Variants in HOXD11 observed in about 807,000 individuals in gnomAD.
HOXD11 encodes the protein homeobox protein Hox-D11.
In HOXD11, 16 loss-of-function variants were observed where a neutral mutation model predicts 23.1. The ratio of observed to expected loss-of-function variants is 0.69; its 90% CI spans 0.47 to 1.05. The LOEUF is 1.05. HOXD11 is among the 50% of genes least tolerant of loss of function. HOXD11 has a pLI of 0.00. For synonymous variants in HOXD11, 262 were observed against 224.4 expected (o/e 1.17, Z -1.50); for missense variants, 564 against 495.6 (o/e 1.14, Z -1.31).
rs976186112 is a variant in HOXD11, at chr2:176,107,676, CGCG to C, written c.339_341del (p.Ala120del). The C allele has an allele frequency of 2.5e-4, 250 of 981,088 alleles. No homozygotes were observed. Among genetic ancestry groups the C allele is most frequent in the East Asian group, 3.4e-4 (3 of 8,938 alleles). 60.8% of individuals were successfully genotyped at this position (981,088 alleles called of 1,614,324 possible). ...GCGCGGGGGGCTACGCTCCCTACTA[CGCG>C]GCGGCGGCGGCGGCGGCTGCGGCGG... On this transcript the variant is annotated inframe_deletion, in exon 1 of 2. Coordinates refer to ENST00000249504, the MANE Select transcript of HOXD11 (RefSeq NM_021192.3).
In HOXD11 at chr2:176,107,614, G is replaced by C; in HGVS notation, c.259G>C (p.Gly87Arg). ...CGGCGGCGGCGGCAGCGCGGGGGGCGGCAGCAGCGGGGGCGGCCCCGGCGG... is the reference window on the plus strand; with the variant it reads ...CGGCGGCGGCGGCAGCGCGGGGGGCCGCAGCAGCGGGGGCGGCCCCGGCGG... The part of the protein sequence containing the change: ...GGGGGGSAGG[G>R]SSGGGPGGGG... Residue 87 changes from glycine to arginine, a missense_variant, in exon 1 of 2, where the codon GGC becomes CGC. By Grantham distance (125) the Gly-to-Arg change is moderately radical. Coordinates refer to ENST00000249504, the MANE Select transcript of HOXD11 (RefSeq NM_021192.3). 8.6e-7 allele frequency: 1 copy of C among 1,159,534 alleles called. No individual in the cohort carries two copies. Among genetic ancestry groups the C allele is most frequent in the East Asian group, 4.1e-5 (1 of 24,164 alleles). 71.8% of individuals were successfully genotyped at this position (1,159,534 alleles called of 1,614,324 possible). A position where few individuals can be genotyped will look rare whatever the true frequency, so the allele number is the denominator to read the frequency against.
chr2:176,115,276 C>T, the HOXD11 span, among the ~76,000 whole-genome samples: 1 of 152,234 alleles, frequency 6.6e-6, no homozygotes, highest in Non-Finnish European at 1.5e-5. Context: ...CTTCCCCTCC[C>T]TTACCCAAGC....
In HOXD11 at chr2:176,107,933, CG is replaced by C; in HGVS notation, c.579del (p.Gln194SerfsTer98). 2 of 1,414,054 alleles carry C rather than the reference CG, an allele frequency of 1.4e-6. No homozygotes were observed. The highest frequency in any genetic ancestry group is 1.5e-5 in the South Asian group (1 of 66,588). The allele number at this position is 1,414,054 out of a possible 1,614,324, so 87.6% of individuals were successfully genotyped here. A position where few individuals can be genotyped will look rare whatever the true frequency, so the allele number is the denominator to read the frequency against. ...GCGCCCGGGCCCCCGTTCGCCGGGCCGCAGCCCCCGCCGCCACCCGCGCCGC... is the reference window on the plus strand; with the variant it reads ...GCGCCCGGGCCCCCGTTCGCCGGGCCCAGCCCCCGCCGCCACCCGCGCCGC... ...EAAPGPPFAG[P>X]QPPPPPAPPQ... On this transcript the variant is annotated frameshift_variant, in exon 1 of 2. Transcript: ENST00000249504. LOFTEE classifies it high-confidence loss of function.
At chr2:176,112,582 G>GAAC (rs1031332722), downstream of HOXD11, among the ~76,000 whole-genome samples, 28 of 152,342 alleles carry the variant, frequency 1.8e-4, no homozygotes, top group Admixed American at 6.5e-5. Context: ...GAGTGGCGTG[G>GAAC]GTGTTCCCCG....
intron 1 of HOXD11, 43 bp downstream of exon 1, chr2:176,108,179 G>A (rs1374447498): frequency 1.1e-6 from 1 of 874,416 alleles, no homozygotes; most frequent in South Asian, 2.9e-5. Context: ...CGGGGGCCGC[G>A]GGGGAGGGGG....
At chr2:176,108,696 T>TGTGTCC (rs960078937) in intron 1 of HOXD11, 1 of 579,012 alleles carries the variant, frequency 1.7e-6, no homozygotes, top group African/African-American at 1.9e-5. Flanking sequence ...TGTGTGTGTG[T>TGTGTCC]GTCCGGGCGT....
chr2:176,110,163 C>T (rs146914008), downstream of HOXD11, among the ~76,000 whole-genome samples: 57 of 152,266 alleles, frequency 3.7e-4, no homozygotes, highest in Non-Finnish European at 7.5e-4. Flanking sequence ...GTAAACCCTC[C>T]CCGCCCCCAC....
At position 176,108,109 on chromosome 2, in the gene HOXD11, G is replaced by A; in HGVS notation, c.754G>A (p.Ala252Thr). 1.4e-6 allele frequency: 2 copies of A among 1,450,534 alleles called. No homozygotes were observed. Among genetic ancestry groups the A allele is most frequent in the South Asian group, 1.4e-5 (1 of 73,910 alleles). The allele number at this position is 1,450,534 out of a possible 1,614,324, so 89.9% of individuals were successfully genotyped here. Residue 252 changes from alanine (A) to threonine (T), a missense_variant, in exon 1 of 2, where the codon GCG becomes ACG. Ala to Thr is a moderately conservative substitution (Grantham distance 58). Coordinates refer to ENST00000249504, the MANE Select transcript of HOXD11 (RefSeq NM_021192.3). ...GGDGEGPPGE[A>T]GAEKSSSAVA... ...CGACGGCGAGGGCCCCCCGGGAGAG[G>A]CGGGGGCCGAGAAGAGCAGCAGCGC...
chr2:176,111,840 A>AAACAAAAC (rs1553518455), downstream of HOXD11, among the ~76,000 whole-genome samples: 10 of 140,856 alleles, frequency 7.1e-5, no homozygotes, highest in Admixed American at 3.6e-4. Flanking sequence ...AAAAAAAAAA[A>AAACAAAAC]AAAAAAAAAC....
intron 1 of HOXD11, 56 bp downstream of exon 1, chr2:176,108,192 G>GCCGAGAAGAGCAGCAGC: frequency 1.5e-6 from 1 of 684,098 alleles, no homozygotes; most frequent in Non-Finnish European, 2.1e-6. Flanking sequence ...GGAGGGGGGG[G>GCCGAGAAGAGCAGCAGC]GGGCGGAGGC....
At chr2:176,112,292 C>G (rs2105390729), downstream of HOXD11, among the ~76,000 whole-genome samples, 1 of 152,338 alleles carries the variant, frequency 6.6e-6, no homozygotes, top group East Asian at 1.9e-4. Context: ...TCCAGCAAAG[C>G]CCCTGACCTT....
the HOXD11 span, among the ~76,000 whole-genome samples, chr2:176,115,233 C>A: frequency 6.6e-6 from 1 of 152,234 alleles, no homozygotes; most frequent in African/African-American, 2.4e-5. Context: ...GTTTCCCTCA[C>A]CAAAGGAAAC....
rs778609010 is a variant in HOXD11, at chr2:176,107,808, G to A, written c.453G>A (p.Pro151=). ...FKAPEPVCAA[P]GPPHGPAGAA... Reference sequence around the variant, plus strand: ...CGCCTGAGCCGGTGTGCGCTGCGCCGGGGCCGCCGCACGGCCCCGCGGGCG... The same window carrying A: ...CGCCTGAGCCGGTGTGCGCTGCGCCAGGGCCGCCGCACGGCCCCGCGGGCG... Residue 151 remains proline, a synonymous_variant, in exon 1 of 2, where the codon CCG becomes CCA. Coordinates refer to ENST00000249504, the MANE Select transcript of HOXD11 (RefSeq NM_021192.3). 15 of 1,394,286 alleles carry A rather than the reference G, an allele frequency of 1.1e-5. No homozygotes were observed. Among genetic ancestry groups the A allele is most frequent in the Non-Finnish European group, 1.3e-5 (14 of 1,073,766 alleles). The allele number at this position is 1,394,286 out of a possible 1,614,324, so 86.4% of individuals were successfully genotyped here. A position where few individuals can be genotyped will look rare whatever the true frequency, so the allele number is the denominator to read the frequency against.
chr2:176,111,840 A>AAAAAAAAAAAAAAAC (rs1553518459), downstream of HOXD11, among the ~76,000 whole-genome samples: 3 of 140,724 alleles, frequency 2.1e-5, no homozygotes, highest in Non-Finnish European at 3.2e-5. Flanking sequence ...AAAAAAAAAA[A>AAAAAAAAAAAAAAAC]AAAAAAAAAC....
chr2:176,113,527 C>T (rs1418066712), downstream of HOXD11, among the ~76,000 whole-genome samples: 2 of 152,162 alleles, frequency 1.3e-5, no homozygotes, highest in African/African-American at 4.8e-5. Flanking sequence ...ACATTAAATA[C>T]TCATAAGCAA....
Position 176,108,989 on chromosome 2 carries a change from C to A in HOXD11, c.864C>A (p.Asn288Lys), listed in dbSNP as rs747958190. ...IRELEREFFF[N>K]VYINKEKRLQ... ...AACTGGAACGCGAGTTTTTCTTTAA[C>A]GTGTACATAAACAAAGAGAAAAGAC... The change falls in exon 2 of 2, where the codon AAC becomes AAA. Residue 288 changes from asparagine (N) to lysine (K), a missense_variant. Transcript: ENST00000249504. The A allele has an allele frequency of 1.2e-6, 2 of 1,613,992 alleles. No homozygotes were observed. Among genetic ancestry groups the A allele is most frequent in the East Asian group, 4.5e-5 (2 of 44,874 alleles).
At chr2:176,108,742 C>T (rs1187162015) in intron 1 of HOXD11, 165 bp from the exon 2 acceptor site, 7 of 604,448 alleles carry the variant, frequency 1.2e-5, no homozygotes, top group African/African-American at 7.5e-5. Flanking sequence ...CTCCTGTGCC[C>T]GCCCATATAT....
At position 176,107,392 on chromosome 2, in the gene HOXD11, A is replaced by G. The variant is rs1689591425; in HGVS notation, c.37A>G (p.Ser13Gly). The G allele has an allele frequency of 1.2e-6, 2 of 1,613,002 alleles. No individual in the cohort carries two copies. Among genetic ancestry groups the G allele is most frequent in the East Asian group, 2.2e-5 (1 of 44,804 alleles). The change falls in exon 1 of 2, where the codon AGC (serine) becomes GGC (glycine). Residue 13 changes from serine to glycine, a missense_variant. Physicochemically the swap from Ser to Gly is moderately conservative, Grantham distance 56. Transcript: ENST00000249504. ...DFDECGQSAA[S>G]MYLPGCAYYV... The stretch of plus-strand genomic sequence containing the variant: ...TGACGAGTGCGGCCAGAGCGCAGCC[A>G]GCATGTACCTGCCGGGCTGCGCCTA...
downstream of HOXD11, among the ~76,000 whole-genome samples, chr2:176,111,917 A>G (rs536902661): frequency 1.3e-5 from 2 of 148,640 alleles, no homozygotes; most frequent in African/African-American, 2.5e-5. Flanking sequence ...ATAACAGATC[A>G]GGGAGCGGGC....
Sources: allele counts gnomAD v4.1 joint callset (sites outside exome capture counted in the v4.1 genomes callset), GRCh38; gene constraint gnomAD v4.1.1; transcripts MANE v1.5; gene names NCBI Gene and HGNC (gene_info 2026-07-23, HGNC 2026-07-21).